NCKAP5: variants seen among roughly 807,000 people sequenced by gnomAD.
NCKAP5 encodes the protein nck-associated protein 5.
Under a neutral mutation model 167.0 loss-of-function variants are expected in NCKAP5, and 92 were observed. The ratio of observed to expected loss-of-function variants is 0.55; its 90% CI spans 0.47 to 0.66. The LOEUF (loss-of-function observed/expected upper bound fraction) is 0.66. NCKAP5 is among the 30% of genes least tolerant of loss of function. The pLI, the probability that NCKAP5 is intolerant of heterozygous loss-of-function variation, is 0.00. For synonymous variants in NCKAP5, 891 were observed against 877.4 expected, an observed-to-expected ratio of 1.02 and a Z score of -0.27; for missense variants, 2,378 against 2,315.0, an observed-to-expected ratio of 1.03 and a Z score of -0.56.
intron 11 of NCKAP5, among the ~76,000 whole-genome samples, chr2:132,841,903 A>G (rs139587261): frequency 1.7e-3 from 259 of 152,128 alleles, no homozygotes; most frequent in South Asian, 3.3e-3. Context: ...TCTTTATTCT[A>G]TTTGTTAATA....
intron 6 of NCKAP5, among the ~76,000 whole-genome samples, chr2:133,113,767 T>C (rs2081989315): frequency 6.6e-6 from 1 of 152,116 alleles, no homozygotes; most frequent in African/African-American, 2.4e-5. Context: ...GGACAGAGTA[T>C]AGACATGACA....
At position 132,790,222 on chromosome 2, in the gene NCKAP5, G is replaced by A. The variant is rs1233233394; in HGVS notation, c.910-17C>T. ...TTGGTGTTCCTGAAAAAGCAGGACAGCTCTGAGCAAGGGCTTTGCTCAGAG... is the reference window on the plus strand; with the variant it reads ...TTGGTGTTCCTGAAAAAGCAGGACAACTCTGAGCAAGGGCTTTGCTCAGAG... On this transcript the variant is annotated splice_polypyrimidine_tract_variant and intron_variant, in intron 12 of 19. Coordinates refer to ENST00000409261, the MANE Select transcript of NCKAP5 (RefSeq NM_207363.3). 3.1e-6 allele frequency: 5 copies of A among 1,604,124 alleles called. No homozygotes were observed. The highest frequency in any genetic ancestry group is 4.3e-6 in the Non-Finnish European group (5 of 1,175,112).
At chr2:133,049,396 T>A (rs1327816685) in intron 6 of NCKAP5, among the ~76,000 whole-genome samples, 2 of 151,712 alleles carry the variant, frequency 1.3e-5, no homozygotes, top group Non-Finnish European at 2.9e-5. Context: ...TACAAAAAAA[T>A]TAGCCAGGCG....
At chr2:132,686,756 G>T (rs1685994665) in intron 19 of NCKAP5, among the ~76,000 whole-genome samples, 1 of 152,226 alleles carries the variant, frequency 6.6e-6, no homozygotes, top group Admixed American at 6.5e-5. Flanking sequence ...ATTTCCTGAA[G>T]GGTAGTTAAT....
At chr2:133,217,275 T>C (rs991904102) in intron 4 of NCKAP5, among the ~76,000 whole-genome samples, 1 of 152,004 alleles carries the variant, frequency 6.6e-6, no homozygotes, top group Admixed American at 6.5e-5. Flanking sequence ...AAGCACAGGT[T>C]GCTGAATAAT....
At chr2:132,988,511 C>T (rs1194219981) in intron 7 of NCKAP5, among the ~76,000 whole-genome samples, 2 of 150,564 alleles carry the variant, frequency 1.3e-5, no homozygotes, top group African/African-American at 4.9e-5. Flanking sequence ...AAGAGATTTC[C>T]CATAAAACTT....
chr2:133,227,292 T>C (rs914438235), intron 4 of NCKAP5, among the ~76,000 whole-genome samples: 4 of 152,190 alleles, frequency 2.6e-5, no homozygotes, highest in African/African-American at 4.8e-5. Flanking sequence ...ATCTCAGCCA[T>C]AGACATTTTT....
Position 133,303,062 on chromosome 2 carries a change from C to A in NCKAP5, c.118G>T (p.Glu40Ter). The A allele has an allele frequency of 6.2e-7, 1 of 1,600,396 alleles. No homozygotes were observed. Among genetic ancestry groups the A allele is most frequent in the Non-Finnish European group, 8.5e-7 (1 of 1,173,082 alleles). ...KYIEHLLTQL[E>*]EQHRSLWREK... The stretch of plus-strand genomic sequence containing the variant: ...CTCCAGAGACTCCTGTGTTGCTCCT[C>A]AAGCTGAGTCAGCAGATGCTCAATG... The change falls in exon 4 of 20, where the codon GAG becomes TAG. Residue 40 changes from glutamate to a stop codon, truncating the protein, a stop_gained. Coordinates refer to ENST00000409261, the MANE Select transcript of NCKAP5 (RefSeq NM_207363.3). LOFTEE classifies it high-confidence loss of function.
At chr2:133,547,173 C>A (rs1307439446) in intron 2 of NCKAP5, among the ~76,000 whole-genome samples, 1 of 152,180 alleles carries the variant, frequency 6.6e-6, no homozygotes, top group Non-Finnish European at 1.5e-5. Flanking sequence ...TTCGGACCGG[C>A]TTAAAAAACG....
At chr2:133,120,095 G>A (rs2082204274) in intron 6 of NCKAP5, among the ~76,000 whole-genome samples, 1 of 152,132 alleles carries the variant, frequency 6.6e-6, no homozygotes, top group South Asian at 2.1e-4. Context: ...TTTCTGTCTT[G>A]AGAAAATGCA....
chr2:133,149,565 A>G (rs13395452), intron 5 of NCKAP5, among the ~76,000 whole-genome samples: 17,332 of 151,854 alleles, frequency 0.11, 1,223 homozygotes, highest in African/African-American at 0.2. Flanking sequence ...CTCTTATCTA[A>G]CTCTTAACTA....
At chr2:133,616,934 C>T in the NCKAP5 span, among the ~76,000 whole-genome samples, 2 of 152,202 alleles carry the variant, frequency 1.3e-5, no homozygotes, top group Admixed American at 6.5e-5. Context: ...TTCAGCAGCA[C>T]ATCAAGAAGG....
chr2:132,887,334 T>TCTATCTAC lies in NCKAP5; in HGVS notation c.580-8419_580-8418insGTAGATAG, dbSNP rs1692313594. On this transcript the variant is annotated intron_variant, in intron 8 of 19. Coordinates refer to ENST00000409261, the MANE Select transcript of NCKAP5 (RefSeq NM_207363.3). ...AACTTTTATTTTATCTATCTATCTA[T>TCTATCTAC]CTATCTATCTATCTATCCATCCATC... 2.8e-5 allele frequency among the ~76,000 whole-genome samples: 3 copies of TCTATCTAC among 106,402 alleles called. No homozygotes were observed. The South Asian group carries it at 8.4e-4, about 30-fold the overall frequency. The allele number at this position is 106,402 out of a possible 152,430, so 69.8% of individuals were successfully genotyped here.
intron 6 of NCKAP5, among the ~76,000 whole-genome samples, chr2:133,112,465 C>T (rs1360650690): frequency 6.9e-6 from 1 of 144,324 alleles, no homozygotes; most frequent in Non-Finnish European, 1.5e-5. Flanking sequence ...CAGAGTAAGA[C>T]TCCGTCTTAA....
chr2:133,016,921 A>G (rs1403083948), intron 6 of NCKAP5, among the ~76,000 whole-genome samples: 1 of 152,270 alleles, frequency 6.6e-6, no homozygotes, highest in Non-Finnish European at 1.5e-5. Flanking sequence ...ACTGAGACAC[A>G]TAACAAATTT....
chr2:133,299,444 G>A (rs1381310410), intron 4 of NCKAP5, among the ~76,000 whole-genome samples: 7 of 152,032 alleles, frequency 4.6e-5, no homozygotes, highest in Admixed American at 4.6e-4. Context: ...CATGCCGCAA[G>A]GAGATGAAAA....
chr2:132,860,252 T>G (rs749896182), intron 11 of NCKAP5, among the ~76,000 whole-genome samples: 4 of 152,230 alleles, frequency 2.6e-5, no homozygotes, highest in Non-Finnish European at 5.9e-5. Flanking sequence ...ACAGAACATC[T>G]TCTGATTGTC....
chr2:133,571,474 C>T (rs988205896), upstream of NCKAP5, among the ~76,000 whole-genome samples: 1 of 152,156 alleles, frequency 6.6e-6, no homozygotes, highest in South Asian at 2.1e-4. Flanking sequence ...GCCTCCTGCC[C>T]GCCTGCTAGT....
intron 4 of NCKAP5, among the ~76,000 whole-genome samples, chr2:133,259,919 A>G (rs889549922): frequency 1.3e-5 from 2 of 151,132 alleles, no homozygotes; most frequent in Non-Finnish European, 2.9e-5. Context: ...GGCACTGAGA[A>G]AAAAAGGCAG....
Sources: allele counts gnomAD v4.1 joint callset (sites outside exome capture counted in the v4.1 genomes callset), GRCh38; gene constraint gnomAD v4.1.1; transcripts MANE v1.5; gene names NCBI Gene and HGNC (gene_info 2026-07-23, HGNC 2026-07-21).